XRRA1: variants seen among roughly 807,000 people sequenced by gnomAD.
The protein encoded by XRRA1 is X-ray radiation resistance associated 1.
In XRRA1, 69 loss-of-function variants were observed where a neutral mutation model predicts 80.2. That is an observed-to-expected ratio of 0.86 (90% CI 0.71 to 1.05). The LOEUF (loss-of-function observed/expected upper bound fraction) is 1.05. XRRA1 is among the 50% of genes least tolerant of loss of function. XRRA1 has a pLI of 0.00. For synonymous variants in XRRA1, 348 were observed against 389.9 expected (o/e 0.89, Z 1.27); for missense variants, 967 against 976.4 (o/e 0.99, Z 0.13).
At chr11:74,907,563 T>C (rs1279256188) in intron 8 of XRRA1, among the ~76,000 whole-genome samples, 2 of 152,134 alleles carry the variant, frequency 1.3e-5, no homozygotes, top group African/African-American at 2.4e-5. Context: ...GTAGTGCTTA[T>C]AGAAAATGCC....
In XRRA1 at chr11:74,851,129, G is replaced by A. The variant is rs2039720118; in HGVS notation, c.1339C>T (p.Pro447Ser). Residue 447 changes from proline to serine, a missense_variant, in exon 14 of 19, where the codon CCT becomes TCT. Coordinates refer to ENST00000684022, the MANE Select transcript of XRRA1 (RefSeq NM_001378157.1). ...IHLIRRKIVK[P>S]KHHVLMSRKE... ...CGAGACATCAAAACATGATGCTTAG[G>A]CTTTACTATCTTCCTTCGAATTAAG... is the stretch of plus-strand genomic sequence containing the variant. The A allele has an allele frequency of 1.9e-6, 3 of 1,613,000 alleles. No individual in the cohort carries two copies. The highest frequency in any genetic ancestry group is 1.7e-5 in the Admixed American group (1 of 59,966).
chr11:74,893,042 A>C (rs937247200), intron 10 of XRRA1, among the ~76,000 whole-genome samples: 8 of 152,344 alleles, frequency 5.3e-5, no homozygotes, highest in African/African-American at 1.4e-4. Flanking sequence ...TTGACCCAGA[A>C]ATCCCATTAC....
chr11:74,943,669 G>T (rs629191), intron 2 of XRRA1, among the ~76,000 whole-genome samples: 122,867 of 151,794 alleles, frequency 0.81, 49,866 homozygotes, highest in African/African-American at 0.84. Context: ...TGTTGCCAGA[G>T]CTTCACTTTT....
chr11:74,930,608 TA>T (rs766185024), intron 5 of XRRA1, among the ~76,000 whole-genome samples: 2 of 152,228 alleles, frequency 1.3e-5, no homozygotes, highest in Non-Finnish European at 2.9e-5. Flanking sequence ...AAGACCCATA[TA>T]ACCACTATCC....
At chr11:74,866,810 A>T (rs1017348485) in intron 10 of XRRA1, among the ~76,000 whole-genome samples, 1 of 152,126 alleles carries the variant, frequency 6.6e-6, no homozygotes, top group African/African-American at 2.4e-5. Context: ...AGAAAAAAGG[A>T]AGAAGAATGA....
At chr11:74,845,043 G>A (rs944994699) in intron 16 of XRRA1, 30 bp downstream of exon 16, 1 of 1,607,574 alleles carries the variant, frequency 6.2e-7, no homozygotes, top group Non-Finnish European at 8.5e-7. Context: ...ATGGCCTCTT[G>A]CCCTAGAGCA....
chr11:74,901,100 A>C (rs1464449303), intron 10 of XRRA1, among the ~76,000 whole-genome samples: 1 of 152,240 alleles, frequency 6.6e-6, no homozygotes, highest in Non-Finnish European at 1.5e-5. Flanking sequence ...CAGATTCAGT[A>C]AAGTTTCAGG....
intron 8 of XRRA1, 26 bp from the exon 9 acceptor site, chr11:74,907,299 T>C: frequency 1.2e-6 from 2 of 1,613,146 alleles, no homozygotes; most frequent in South Asian, 1.1e-5. Context: ...TCTTGGGTAA[T>C]GAGCAAGGTC....
chr11:74,884,263 C>G (rs1198718304), intron 10 of XRRA1, among the ~76,000 whole-genome samples: 13 of 152,290 alleles, frequency 8.5e-5, no homozygotes. Flanking sequence ...ATGTCAGCAG[C>G]TGTGTCAATA....
At chr11:74,907,984 T>G (rs1310953376) in intron 8 of XRRA1, among the ~76,000 whole-genome samples, 1 of 152,114 alleles carries the variant, frequency 6.6e-6, no homozygotes, top group Non-Finnish European at 1.5e-5. Context: ...GTCCTCCAGG[T>G]AGATGAGACC....
At chr11:74,944,540 A>G (rs1369582229) in intron 2 of XRRA1, among the ~76,000 whole-genome samples, 4 of 152,232 alleles carry the variant, frequency 2.6e-5, no homozygotes, top group South Asian at 2.1e-4. Context: ...ACAGGGCACT[A>G]TGAGTTTCCT....
intron 10 of XRRA1, among the ~76,000 whole-genome samples, chr11:74,879,582 T>C (rs2046964359): frequency 6.6e-6 from 1 of 152,172 alleles, no homozygotes; most frequent in Non-Finnish European, 1.5e-5. Context: ...GCCCATTCAG[T>C]ATGATATTGG....
intron 3 of XRRA1, 52 bp downstream of exon 3, chr11:74,940,733 A>G: frequency 6.9e-7 from 1 of 1,456,570 alleles, no homozygotes; most frequent in Non-Finnish European, 9.4e-7. Context: ...GAGATGGTCT[A>G]AAGCACGAGC....
intron 10 of XRRA1, among the ~76,000 whole-genome samples, chr11:74,865,812 C>A (rs1267235774): frequency 6.6e-6 from 1 of 152,342 alleles, no homozygotes; most frequent in Non-Finnish European, 1.5e-5. Context: ...ACTCAGGTCC[C>A]CTTGGCCAAC....
intron 10 of XRRA1, among the ~76,000 whole-genome samples, chr11:74,867,798 T>TA (rs2043775514): frequency 6.7e-6 from 1 of 150,030 alleles, no homozygotes; most frequent in East Asian, 2.0e-4. Context: ...GTCAAAATGA[T>TA]AGAAATGTTA....
chr11:74,854,855 T>TA (rs554313601), intron 12 of XRRA1, among the ~76,000 whole-genome samples: 2,677 of 148,146 alleles, frequency 0.018, 44 homozygotes, highest in African/African-American at 0.034. Flanking sequence ...CCGTCTCTAC[T>TA]AAAAAAAAAA....
At chr11:74,884,665 ACT>A (rs1358765097) in intron 10 of XRRA1, among the ~76,000 whole-genome samples, 1 of 151,374 alleles carries the variant, frequency 6.6e-6, no homozygotes, top group African/African-American at 2.4e-5. Flanking sequence ...TCTTAAACTC[ACT>A]CTTTGTGTGT....
In XRRA1 at chr11:74,862,362, T is replaced by C. The variant is rs754584858; in HGVS notation, c.1044+619A>G. 9.1e-4 allele frequency among the ~76,000 whole-genome samples: 138 copies of C among 152,206 alleles called. 4 individuals are homozygous for C. Among genetic ancestry groups the C allele is most frequent in the Non-Finnish European group, 2.5e-4 (17 of 68,034 alleles). On this transcript the variant is annotated intron_variant, in intron 11 of 18. Transcript: ENST00000684022. Reference sequence around the variant, plus strand: ...TAACTGATAGAATTTCTCACACAGTTCTATCTGTGGGGAGGTTGTATACTG... The same window carrying C: ...TAACTGATAGAATTTCTCACACAGTCCTATCTGTGGGGAGGTTGTATACTG...
At chr11:74,864,289 C>T (rs1293347259) in intron 10 of XRRA1, among the ~76,000 whole-genome samples, 1 of 152,118 alleles carries the variant, frequency 6.6e-6, no homozygotes, top group Non-Finnish European at 1.5e-5. Flanking sequence ...AGAATGGACC[C>T]AGGTGAACTA....
Sources: gnomAD v4.1 joint callset for allele counts (sites outside exome capture counted in the v4.1 genomes callset) on GRCh38, gnomAD v4.1.1 for gene constraint, MANE v1.5 for transcripts, NCBI Gene and HGNC (gene_info 2026-07-23, HGNC 2026-07-21) for gene names.